The following NKAIN2 variants were observed in gnomAD, a reference collection of about 807,000 sequenced individuals.
NKAIN2 encodes the protein sodium/potassium-transporting ATPase subunit beta-1-interacting protein 2.
In NKAIN2, 14 loss-of-function variants were observed where a neutral mutation model predicts 32.6. That is an observed-to-expected ratio of 0.43 (90% CI 0.28 to 0.67). The LOEUF (loss-of-function observed/expected upper bound fraction) is 0.67. NKAIN2 is among the 30% of genes least tolerant of loss of function. The pLI is 0.17. For missense variants in NKAIN2, 198 were observed against 258.3 expected (o/e 0.77, Z 1.60); for synonymous variants, 80 against 87.2 (o/e 0.92, Z 0.46).
chr6:124,022,808 C>A (rs1013073921), intron 1 of NKAIN2, among the ~76,000 whole-genome samples: 4 of 152,004 alleles, frequency 2.6e-5, no homozygotes, highest in East Asian at 3.9e-4. Context: ...CTTGCCCTCC[C>A]ACAGGCTTCA....
intron 2 of NKAIN2, among the ~76,000 whole-genome samples, chr6:124,302,755 G>GA (rs956767579): frequency 1.3e-5 from 2 of 150,684 alleles, no homozygotes; most frequent in African/African-American, 4.9e-5. Context: ...TACATTATTG[G>GA]AAAAAAAAAC....
chr6:123,939,311 G>A (rs235685), intron 1 of NKAIN2, among the ~76,000 whole-genome samples: 60,890 of 151,276 alleles, frequency 0.4, 12,951 homozygotes, highest in East Asian at 0.62. Flanking sequence ...GTGTTAGTCT[G>A]CGCAGGTAAA....
chr6:124,412,489 G>T (rs1774244456), intron 3 of NKAIN2, among the ~76,000 whole-genome samples: 1 of 152,172 alleles, frequency 6.6e-6, no homozygotes, highest in African/African-American at 2.4e-5. Context: ...CAGAACAGCG[G>T]ATATTGGTGA....
At chr6:124,156,648 T>C (rs1788001508) in intron 1 of NKAIN2, among the ~76,000 whole-genome samples, 1 of 152,098 alleles carries the variant, frequency 6.6e-6, no homozygotes, top group African/African-American at 2.4e-5. Context: ...AAAATCTACT[T>C]AAAACCAAGG....
chr6:124,270,172 T>C (rs982473772), intron 1 of NKAIN2, among the ~76,000 whole-genome samples: 1 of 152,132 alleles, frequency 6.6e-6, no homozygotes, highest in African/African-American at 2.4e-5. Flanking sequence ...TAGTACTTGC[T>C]TGACAGGAAA....
intron 1 of NKAIN2, among the ~76,000 whole-genome samples, chr6:123,933,776 T>C (rs548681811): frequency 6.6e-6 from 1 of 152,332 alleles, no homozygotes; most frequent in South Asian, 2.1e-4. Context: ...AGCCCTTACC[T>C]TGTACTCACT....
At chr6:124,051,793 A>G (rs1045679098) in intron 1 of NKAIN2, among the ~76,000 whole-genome samples, 9 of 152,070 alleles carry the variant, frequency 5.9e-5, no homozygotes, top group African/African-American at 2.2e-4. Flanking sequence ...TGGTCTCTCT[A>G]GAAGCATTGG....
intron 1 of NKAIN2, among the ~76,000 whole-genome samples, chr6:124,022,422 G>A (rs1428941200): frequency 6.6e-6 from 1 of 152,138 alleles, no homozygotes; most frequent in Non-Finnish European, 1.5e-5. Flanking sequence ...TAATGGGATT[G>A]CTGGGTCAAA....
chr6:124,301,225 C>T (rs1281770768), intron 2 of NKAIN2, among the ~76,000 whole-genome samples: 1 of 152,188 alleles, frequency 6.6e-6, no homozygotes, highest in Admixed American at 6.5e-5. Context: ...GTGCAAGCCC[C>T]AAGCCTTGGC....
chr6:124,742,755 T>C (rs1777280096), intron 4 of NKAIN2, among the ~76,000 whole-genome samples: 3 of 151,680 alleles, frequency 2.0e-5, no homozygotes, highest in Admixed American at 2.0e-4. Flanking sequence ...TGAGTCTCTT[T>C]TCACTCCCTG....
rs1778343812 is a variant in NKAIN2 at position 124,502,792 on chromosome 6, G to A, written c.273+147445G>A. 4.6e-5 allele frequency among the ~76,000 whole-genome samples: 7 copies of A among 152,090 alleles called. No homozygotes were observed. The South Asian group carries it at 1.5e-3, about 32-fold the overall frequency. On this transcript the variant is annotated intron_variant, in intron 3 of 6. Transcript: ENST00000368417. ...ACAGACTTTAGGCTTGTGTGTACTG[G>A]GGCTACTTATGGACTTTATGTGCTT...
intron 3 of NKAIN2, among the ~76,000 whole-genome samples, chr6:124,399,419 G>A (rs1017101421): frequency 6.6e-6 from 1 of 152,136 alleles, no homozygotes; most frequent in African/African-American, 2.4e-5. Context: ...TGGCCAAGGG[G>A]CCCCACAACA....
chr6:124,437,876 T>TTTTTTTG, intron 3 of NKAIN2: 1 of 397,750 alleles, frequency 2.5e-6, no homozygotes, highest in Admixed American at 3.1e-5. Context: ...CTATTGATTT[T>TTTTTTTG]TTTTTTTTTT....
intron 1 of NKAIN2, among the ~76,000 whole-genome samples, chr6:123,862,729 T>G (rs1032611936): frequency 1.3e-5 from 2 of 152,168 alleles, no homozygotes; most frequent in Admixed American, 6.5e-5. Flanking sequence ...TCTCATAACC[T>G]GTCTCCATGT....
At chr6:124,241,252 C>T (rs1366754827) in intron 1 of NKAIN2, among the ~76,000 whole-genome samples, 2 of 152,060 alleles carry the variant, frequency 1.3e-5, no homozygotes. Context: ...AGGATACAAA[C>T]AAATGGAAAA....
chr6:124,436,300 C>T (rs1182886405), intron 3 of NKAIN2, among the ~76,000 whole-genome samples: 2 of 152,148 alleles, frequency 1.3e-5, no homozygotes, highest in Non-Finnish European at 2.9e-5. Flanking sequence ...AGATGCCTTT[C>T]TCAGCTCCTT....
At position 124,349,352 on chromosome 6, in the gene NKAIN2, G is replaced by T. The variant is rs62434725; in HGVS notation, c.193-5915G>T. Among the ~76,000 whole-genome samples, 5 of 152,118 alleles carry T rather than the reference G, an allele frequency of 3.3e-5. No individual in the cohort carries two copies. In the East Asian group the frequency reaches 5.8e-4, roughly 18 times the overall value. ...ACCCCATTCTCCCAGTGCACAGGCC[G>T]GTTGGGTATTCTCCAGGGACCCCTT... On this transcript the variant is annotated intron_variant, in intron 2 of 6. Transcript: ENST00000368417.
intron 3 of NKAIN2, among the ~76,000 whole-genome samples, chr6:124,520,569 C>T (rs1779083228): frequency 6.6e-6 from 1 of 152,044 alleles, no homozygotes; most frequent in Non-Finnish European, 1.5e-5. Flanking sequence ...GAGAGCAAGA[C>T]CTAAAATGTA....
intron 5 of NKAIN2, among the ~76,000 whole-genome samples, chr6:124,812,892 C>A (rs116167794): frequency 6.6e-6 from 1 of 152,106 alleles, no homozygotes; most frequent in Non-Finnish European, 1.5e-5. Context: ...TCATTGACAT[C>A]TTTCCTTCCT....
Sources: gnomAD v4.1 joint callset for allele counts (sites outside exome capture counted in the v4.1 genomes callset) on GRCh38, gnomAD v4.1.1 for gene constraint, MANE v1.5 for transcripts, NCBI Gene and HGNC (gene_info 2026-07-23, HGNC 2026-07-21) for gene names.